The following CLTCL1 variants were observed in gnomAD, a reference collection of about 807,000 sequenced individuals.
CLTCL1 encodes clathrin heavy chain 2.
Under a neutral mutation model 190.0 loss-of-function variants are expected in CLTCL1, and 159 were observed. That is an observed-to-expected ratio of 0.84 (90% confidence interval 0.74 to 0.95). The LOEUF (loss-of-function observed/expected upper bound fraction) is 0.95. CLTCL1 is among the 40% of genes least tolerant of loss of function. The pLI is 0.00. For synonymous variants in CLTCL1, 752 were observed against 769.6 expected, an observed-to-expected ratio of 0.98 and a Z score of 0.38; for missense variants, 1,878 against 2,033.4, an observed-to-expected ratio of 0.92 and a Z score of 1.47.
chr22:19,208,456 G>T, intron 21 of CLTCL1, 145 bp from the exon 22 acceptor site: 2 of 962,570 alleles, frequency 2.1e-6, no homozygotes, highest in South Asian at 1.6e-5. Context: ...ACGTCTAGGA[G>T]GTCTTGATTA....
intron 27 of CLTCL1, among the ~76,000 whole-genome samples, chr22:19,188,352 G>A (rs1555929605): frequency 6.6e-6 from 1 of 152,224 alleles, no homozygotes; most frequent in Non-Finnish European, 1.5e-5. Context: ...CCACAATAAA[G>A]TGAACATTGC....
At chr22:19,228,784 T>A (rs1374429513) in intron 11 of CLTCL1, among the ~76,000 whole-genome samples, 8 of 152,208 alleles carry the variant, frequency 5.3e-5, no homozygotes, top group African/African-American at 1.7e-4. Context: ...TGTATATATA[T>A]CTAAATTTAA....
chr22:19,225,327 G>A (rs2085705798), intron 13 of CLTCL1, 126 bp downstream of exon 13: 1 of 960,958 alleles, frequency 1.0e-6, no homozygotes, highest in African/African-American at 1.7e-5. Flanking sequence ...GAGCACCCAA[G>A]GCAGCCAGTG....
At chr22:19,250,361 C>A in intron 3 of CLTCL1, among the ~76,000 whole-genome samples, 1 of 139,290 alleles carries the variant, frequency 7.2e-6, no homozygotes, top group African/African-American at 2.7e-5. Flanking sequence ...ATTTTAGAGA[C>A]AGGGTCTTGT....
At chr22:19,279,891 T>C (rs1195945928) in intron 1 of CLTCL1, among the ~76,000 whole-genome samples, 1 of 152,230 alleles carries the variant, frequency 6.6e-6, no homozygotes, top group Admixed American at 6.5e-5. Flanking sequence ...TAGAAAAGCA[T>C]GAGGTGAGCT....
rs552642174 is a variant in CLTCL1, at chr22:19,231,159, C to T, written c.1645-1184G>A. Among the ~76,000 whole-genome samples the T allele has an allele frequency of 1.6e-4, 25 of 152,356 alleles. 1 individual carries two copies. In the South Asian group the frequency reaches 5.0e-3, roughly 30 times the overall value. On this transcript the variant is annotated intron_variant, in intron 10 of 32. Coordinates refer to ENST00000427926, the MANE Select transcript of CLTCL1 (RefSeq NM_007098.4). The stretch of plus-strand genomic sequence containing the variant: ...ACGCTACCAGAATCCAAGGTCTCCT[C>T]TAGCTTGCAGACAGTCTATCACAGG...
At position 19,275,750 on chromosome 22, in the gene CLTCL1, T is replaced by A. The variant is rs782667364; in HGVS notation, c.123A>T (p.Arg41=). The A allele has an allele frequency of 3.8e-5, 61 of 1,609,988 alleles. No individual in the cohort carries two copies. Among genetic ancestry groups the A allele is most frequent in the Non-Finnish European group, 5.2e-5 (61 of 1,178,278 alleles). Residue 41 remains arginine, a synonymous_variant, in exon 2 of 33, where the codon CGA becomes CGT. Coordinates refer to ENST00000427926, the MANE Select transcript of CLTCL1 (RefSeq NM_007098.4). ...TMESDKFICI[R]EKVGEQAQVT... ...CCTGTGCCTGCTCACCAACTTTCTC[T>A]CGGATACATATGAACTTGTCAGATT...
At chr22:19,197,784 G>A (rs1236042635) in intron 24 of CLTCL1, among the ~76,000 whole-genome samples, 1 of 152,066 alleles carries the variant, frequency 6.6e-6, no homozygotes, top group Non-Finnish European at 1.5e-5. Context: ...GCATCCAGGA[G>A]CCAGCACACT....
chr22:19,253,065 T>C (rs1168462864), intron 3 of CLTCL1, among the ~76,000 whole-genome samples: 3 of 150,648 alleles, frequency 2.0e-5, no homozygotes, highest in East Asian at 2.0e-4. Context: ...TTCAGTATAA[T>C]AGAATATGAG....
chr22:19,276,814 C>T (rs1207619702), intron 1 of CLTCL1, among the ~76,000 whole-genome samples: 17 of 152,096 alleles, frequency 1.1e-4, no homozygotes, highest in African/African-American at 3.4e-4. Flanking sequence ...GGGCTTCAGG[C>T]GCCCGCCACC....
chr22:19,201,539 G>A, intron 22 of CLTCL1, 46 bp from the exon 23 acceptor site: 1 of 1,570,846 alleles, frequency 6.4e-7, no homozygotes, highest in East Asian at 2.3e-5. Context: ...TCAATGGGAA[G>A]ATTTCTCCAG....
chr22:19,209,159 G>C (rs782136529), intron 20 of CLTCL1, 45 bp from the exon 21 acceptor site: 3 of 1,493,626 alleles, frequency 2.0e-6, no homozygotes, highest in Admixed American at 2.3e-5. Context: ...CATCTAGTCA[G>C]CTCCAAAAAA....
At chr22:19,290,832 GAGTA>G (rs2088085919) in intron 1 of CLTCL1, among the ~76,000 whole-genome samples, 1 of 152,204 alleles carries the variant, frequency 6.6e-6, no homozygotes, top group Non-Finnish European at 1.5e-5. Flanking sequence ...ATCTAGAAAA[GAGTA>G]AGCGAATCGC....
At position 19,233,246 on chromosome 22, in the gene CLTCL1, G is replaced by A. The variant is rs782055199; in HGVS notation, c.1441C>T (p.Arg481Trp). ...ATCACTTTGCTTGGCACATTTGCCC[G>A]AAGGTACACACTCAGAGCGAGCATG... is the stretch of plus-strand genomic sequence containing the variant. ...DPMLALSVYL[R>W]ANVPSKVIQC... is the part of the protein sequence containing the mutation. The change falls in exon 9 of 33, where the codon CGG (arginine) becomes TGG (tryptophan). Residue 481 changes from arginine (R) to tryptophan (W), a missense_variant. Arg to Trp is a moderately radical substitution (Grantham distance 101). Coordinates refer to ENST00000427926, the MANE Select transcript of CLTCL1 (RefSeq NM_007098.4). The A allele has an allele frequency of 4.2e-5, 67 of 1,613,982 alleles. No individual in the cohort carries two copies. In the Admixed American group the frequency reaches 5.5e-4, roughly 13 times the overall value.
intron 26 of CLTCL1, among the ~76,000 whole-genome samples, chr22:19,195,438 G>A (rs1479411521): frequency 5.9e-5 from 9 of 152,212 alleles, no homozygotes; most frequent in South Asian, 2.1e-4. Context: ...GGCAGCACAC[G>A]TGCCACTCGC....
chr22:19,197,545 A>G (rs807550), intron 24 of CLTCL1, among the ~76,000 whole-genome samples: 8,967 of 151,990 alleles, frequency 0.059, 328 homozygotes, highest in Middle Eastern at 0.16. Flanking sequence ...CCTATCCTAA[A>G]CACCCTCTTG....
chr22:19,279,145 T>C (rs1156832169), intron 1 of CLTCL1, among the ~76,000 whole-genome samples: 1 of 152,140 alleles, frequency 6.6e-6, no homozygotes, highest in African/African-American at 2.4e-5. Flanking sequence ...TATGTATTTA[T>C]TTATTTATTT....
At chr22:19,249,792 C>T in intron 3 of CLTCL1, 4 of 224,930 alleles carry the variant, frequency 1.8e-5, no homozygotes, top group Non-Finnish European at 2.9e-5. Flanking sequence ...ATTTGGTTTC[C>T]CTTCCCTTTA....
At chr22:19,211,540 G>A (rs964512815) in intron 19 of CLTCL1, among the ~76,000 whole-genome samples, 4 of 151,782 alleles carry the variant, frequency 2.6e-5, no homozygotes, top group Admixed American at 6.6e-5. Flanking sequence ...AGGCTGAGGC[G>A]GGTGGATCAC....
Sources: allele counts gnomAD v4.1 joint callset (sites outside exome capture counted in the v4.1 genomes callset), GRCh38; gene constraint gnomAD v4.1.1; transcripts MANE v1.5; gene names NCBI Gene and HGNC (gene_info 2026-07-23, HGNC 2026-07-21).